The following WDFY2 variants were observed in gnomAD, a reference collection of about 807,000 sequenced individuals.
WDFY2 encodes WD repeat and FYVE domain-containing protein 2.
WDFY2 carries 36 observed loss-of-function variants against 56.4 expected under a neutral mutation model. The ratio of observed to expected loss-of-function variants is 0.64; its 90% CI spans 0.49 to 0.84. The LOEUF (loss-of-function observed/expected upper bound fraction) is 0.84. Among genes scored for constraint, WDFY2 ranks in the 40% least tolerant of loss-of-function variants. The probability of loss-of-function intolerance (pLI) is 0.00; values close to 1 mark genes in which losing one functional copy is unlikely to be tolerated. For synonymous variants in WDFY2, 176 were observed against 183.7 expected (o/e 0.96, Z 0.34); for missense variants, 444 against 512.2 (o/e 0.87, Z 1.29).
intron 4 of WDFY2, among the ~76,000 whole-genome samples, 190 bp downstream of exon 4, chr13:51,703,840 G>A (rs1952034204): frequency 6.6e-6 from 1 of 152,100 alleles, no homozygotes; most frequent in African/African-American, 2.4e-5. Flanking sequence ...CTTGCCTGGG[G>A]TTCTAATTAA....
intron 3 of WDFY2, among the ~76,000 whole-genome samples, chr13:51,699,562 A>C (rs1951942209): frequency 6.6e-6 from 1 of 152,252 alleles, no homozygotes; most frequent in Non-Finnish European, 1.5e-5. Context: ...CAAGAAATGA[A>C]TGAAAATAGC....
At chr13:51,738,157 TATA>T (rs1345640474) in intron 6 of WDFY2, among the ~76,000 whole-genome samples, 2 of 152,210 alleles carry the variant, frequency 1.3e-5, no homozygotes, top group African/African-American at 2.4e-5. Context: ...CTTTTCAGAA[TATA>T]ATATTTTTAA....
chr13:51,720,278 A>G (rs920234938), intron 5 of WDFY2, among the ~76,000 whole-genome samples: 12 of 152,302 alleles, frequency 7.9e-5, no homozygotes, highest in African/African-American at 4.8e-5. Flanking sequence ...ATTTTTATGT[A>G]TATATATGCT....
intron 3 of WDFY2, among the ~76,000 whole-genome samples, chr13:51,701,785 A>G (rs1033059944): frequency 2.6e-5 from 4 of 152,180 alleles, no homozygotes; most frequent in African/African-American, 9.6e-5. Flanking sequence ...GTATATTCAA[A>G]ATAATATGAA....
chr13:51,661,434 A>G (rs543803047), intron 2 of WDFY2, among the ~76,000 whole-genome samples: 2 of 152,266 alleles, frequency 1.3e-5, no homozygotes, highest in African/African-American at 4.8e-5. Context: ...TCAAACCTTA[A>G]TTAAAATTGA....
intron 1 of WDFY2, among the ~76,000 whole-genome samples, chr13:51,613,682 A>AT (rs577776268): frequency 4.2e-4 from 63 of 149,986 alleles, no homozygotes; most frequent in South Asian, 1.5e-3. Flanking sequence ...CTTAGCTGTG[A>AT]TTTTTTTTTT....
intron 6 of WDFY2, among the ~76,000 whole-genome samples, chr13:51,735,026 G>C (rs541294408): frequency 4.2e-4 from 64 of 152,224 alleles, no homozygotes; most frequent in Non-Finnish European, 8.4e-4. Context: ...TTCCTCTGCT[G>C]CCAGAAGTGT....
At chr13:51,600,469 T>C (rs1245380726) in intron 1 of WDFY2, among the ~76,000 whole-genome samples, 1 of 152,220 alleles carries the variant, frequency 6.6e-6, no homozygotes, top group Non-Finnish European at 1.5e-5. Flanking sequence ...TCACACTGGC[T>C]TCCTCTGTTT....
At chr13:51,600,378 G>T (rs1391928127) in intron 1 of WDFY2, among the ~76,000 whole-genome samples, 4 of 152,176 alleles carry the variant, frequency 2.6e-5, no homozygotes, top group African/African-American at 9.7e-5. Context: ...TAGAACTGAA[G>T]ACTGGAGCAC....
intron 7 of WDFY2, among the ~76,000 whole-genome samples, chr13:51,749,102 C>T (rs981618175): frequency 2.0e-5 from 3 of 152,124 alleles, no homozygotes; most frequent in African/African-American, 4.8e-5. Flanking sequence ...TGTCATTTTT[C>T]TCATCAAAAT....
chr13:51,669,407 G>C (rs938252990), intron 2 of WDFY2, among the ~76,000 whole-genome samples: 3 of 152,108 alleles, frequency 2.0e-5, no homozygotes, highest in Admixed American at 6.6e-5. Flanking sequence ...ACTCTGACAG[G>C]CCAGTCAGAT....
At position 51,756,159 on chromosome 13, in the gene WDFY2, A is replaced by G. The variant is rs531801088; in HGVS notation, c.934-173A>G. Among the ~76,000 whole-genome samples, 220 of 152,314 alleles carry G rather than the reference A, an allele frequency of 1.4e-3. 2 individuals are homozygous for G. The highest frequency in any genetic ancestry group is 6.8e-3 in the Middle Eastern group (2 of 294). ...ACCCAACAGTCCTTGTTGAATAAAC[A>G]GAGCCCCAGAGAAGAACACATCCAA... is the stretch of plus-strand genomic sequence containing the variant. On this transcript the variant is annotated intron_variant, in intron 9 of 11. Coordinates refer to ENST00000298125, the MANE Select transcript of WDFY2 (RefSeq NM_052950.4).
chr13:51,584,744 G>A lies in WDFY2; in HGVS notation c.57G>A (p.Arg19=), dbSNP rs144564644. Residue 19 remains arginine, a synonymous_variant, in exon 1 of 12, where the codon CGG becomes CGA. Coordinates refer to ENST00000298125, the MANE Select transcript of WDFY2 (RefSeq NM_052950.4). ...PLTRKPILLQ[R]MEGSQEVVNM... The stretch of plus-strand genomic sequence containing the variant: ...CCCGCAAGCCGATCCTGCTGCAGCG[G>A]ATGGAGGGGTCCCAGGAGGTGGTGA... 6.2e-7 allele frequency: 1 copy of A among 1,613,892 alleles called. No individual in the cohort carries two copies. Among genetic ancestry groups the A allele is most frequent in the Non-Finnish European group, 8.5e-7 (1 of 1,179,800 alleles).
At chr13:51,681,898 A>G (rs886529224) in intron 3 of WDFY2, among the ~76,000 whole-genome samples, 3 of 152,140 alleles carry the variant, frequency 2.0e-5, no homozygotes, top group Non-Finnish European at 2.9e-5. Context: ...CTTCTCCCTC[A>G]GTTATGTCAT....
At chr13:51,655,277 A>T (rs1482914038) in intron 1 of WDFY2, among the ~76,000 whole-genome samples, 1 of 152,076 alleles carries the variant, frequency 6.6e-6, no homozygotes, top group Non-Finnish European at 1.5e-5. Context: ...CTTATTACTG[A>T]TTTTAGGGAG....
At chr13:51,738,600 T>C (rs905598979) in intron 6 of WDFY2, among the ~76,000 whole-genome samples, 9 of 152,236 alleles carry the variant, frequency 5.9e-5, no homozygotes. Context: ...AATTCTGATA[T>C]TGTGGCCTAA....
At position 51,761,986 on chromosome 13, in the gene WDFY2, G is replaced by C. The variant is rs1169055101; in HGVS notation, c.*2217G>C. ...TACTTTGAGTCTTTTCTGCATGATT[G>C]CTCTTTGAGAGAACTTTAACAAGGG... On this transcript the variant is annotated 3_prime_UTR_variant, in exon 12 of 12. Coordinates refer to ENST00000298125, the MANE Select transcript of WDFY2 (RefSeq NM_052950.4). 1 of 152,224 alleles carries C rather than the reference G, an allele frequency of 6.6e-6. No homozygotes were observed. The highest frequency in any genetic ancestry group is 1.5e-5 in the Non-Finnish European group (1 of 68,040). The allele number at this position is 152,224 out of a possible 1,614,324, so 9.4% of individuals were successfully genotyped here. A position where few individuals can be genotyped will look rare whatever the true frequency, so the allele number is the denominator to read the frequency against.
intron 4 of WDFY2, among the ~76,000 whole-genome samples, chr13:51,705,775 T>C (rs1204695265): frequency 3.3e-5 from 5 of 152,174 alleles, no homozygotes; most frequent in Admixed American, 2.0e-4. Context: ...TTGAGTTATT[T>C]TAAAGCTATA....
Position 51,751,310 on chromosome 13 carries a change from C to A in WDFY2, c.726C>A (p.Asn242Lys), listed in dbSNP as rs748809536. The change falls in exon 8 of 12, where the codon AAC becomes AAA. Residue 242 changes from asparagine to lysine, a missense_variant and splice_region_variant. By Grantham distance (94) the Asn-to-Lys change is moderately conservative (BLOSUM62 0). Transcript: ENST00000298125. Reference protein sequence around the residue: ...KGTAIELQGHNDRVQALSYAQ... With the variant: ...KGTAIELQGHKDRVQALSYAQ... ...CAATAACCCTTGGTTTCTTTCACAG[C>A]GACAGAGTCCAGGCCCTCTCCTATG... 1 of 1,612,102 alleles carries A rather than the reference C, an allele frequency of 6.2e-7. No homozygotes were observed. Among genetic ancestry groups the A allele is most frequent in the South Asian group, 1.1e-5 (1 of 90,722 alleles).
Sources: gnomAD v4.1 joint callset for allele counts (sites outside exome capture counted in the v4.1 genomes callset) on GRCh38, gnomAD v4.1.1 for gene constraint, MANE v1.5 for transcripts, NCBI Gene and HGNC (gene_info 2026-07-23, HGNC 2026-07-21) for gene names.